Variants in SORCS2 observed in about 807,000 individuals in gnomAD.
The protein encoded by SORCS2 is sortilin related VPS10 domain containing receptor 2.
In SORCS2, 100 loss-of-function variants were observed where a neutral mutation model predicts 141.6. The ratio of observed to expected loss-of-function variants is 0.71; its 90% CI spans 0.60 to 0.83. The LOEUF is 0.83. Among genes scored for constraint, SORCS2 ranks in the 40% least tolerant of loss-of-function variants. The pLI is 0.00. For synonymous variants in SORCS2, 789 were observed against 676.9 expected, an observed-to-expected ratio of 1.17 and a Z score of -2.57; for missense variants, 1,646 against 1,560.2, an observed-to-expected ratio of 1.05 and a Z score of -0.93.
chr4:7,450,533 CG>C (rs1487140408), intron 2 of SORCS2, among the ~76,000 whole-genome samples: 2 of 152,218 alleles, frequency 1.3e-5, no homozygotes, highest in Non-Finnish European at 2.9e-5. Flanking sequence ...AACCTTGCCC[CG>C]CAGGACTCAC....
intron 3 of SORCS2, among the ~76,000 whole-genome samples, chr4:7,584,614 C>T (rs750820830): frequency 6.6e-6 from 1 of 152,150 alleles, no homozygotes; most frequent in Non-Finnish European, 1.5e-5. Flanking sequence ...TCTAAGAAAC[C>T]AGGCTGCCTC....
At chr4:7,356,166 G>A (rs570201447) in intron 1 of SORCS2, among the ~76,000 whole-genome samples, 10 of 152,360 alleles carry the variant, frequency 6.6e-5, no homozygotes, top group Admixed American at 1.3e-4. Context: ...CTGGCCCTCA[G>A]GGCCACTCAC....
chr4:7,572,826 C>A (rs1011109725), intron 3 of SORCS2, among the ~76,000 whole-genome samples: 1 of 152,134 alleles, frequency 6.6e-6, no homozygotes. Context: ...CATCTGAAGC[C>A]CCTTGGTTTG....
At chr4:7,399,544 TGTG>T (rs1314149444) in intron 2 of SORCS2, among the ~76,000 whole-genome samples, 1 of 152,142 alleles carries the variant, frequency 6.6e-6, no homozygotes, top group Non-Finnish European at 1.5e-5. Context: ...CCTTTCTTCT[TGTG>T]GTGGTGATGG....
chr4:7,443,154 G>A (rs1030571270), intron 2 of SORCS2, among the ~76,000 whole-genome samples: 7 of 152,304 alleles, frequency 4.6e-5, no homozygotes, highest in African/African-American at 1.4e-4. Context: ...TCCAAATTAT[G>A]TCAGATCACA....
chr4:7,504,693 G>A (rs911763630), intron 2 of SORCS2, among the ~76,000 whole-genome samples: 1 of 152,212 alleles, frequency 6.6e-6, no homozygotes, highest in Non-Finnish European at 1.5e-5. Flanking sequence ...ATATGCTGTC[G>A]CTATCACGAG....
intron 2 of SORCS2, chr4:7,430,274 A>G (rs1726743643): frequency 6.7e-6 from 1 of 149,618 alleles, no homozygotes; most frequent in Non-Finnish European, 1.5e-5. Flanking sequence ...AAAAAAAAAA[A>G]GAGACAGAGA....
chr4:7,616,495 C>G (rs1477100060), intron 3 of SORCS2, among the ~76,000 whole-genome samples: 2 of 152,176 alleles, frequency 1.3e-5, no homozygotes, highest in African/African-American at 4.8e-5. Flanking sequence ...TACCCTTCAT[C>G]CAAGTGGGGT....
intron 1 of SORCS2, among the ~76,000 whole-genome samples, chr4:7,276,492 C>T (rs1426830653): frequency 6.6e-6 from 1 of 152,174 alleles, no homozygotes; most frequent in Non-Finnish European, 1.5e-5. Flanking sequence ...TGGCCAGCTC[C>T]CTTGTCCTGA....
chr4:7,389,321 C>G (rs1401158321), intron 1 of SORCS2, among the ~76,000 whole-genome samples: 10 of 152,082 alleles, frequency 6.6e-5, no homozygotes, highest in Non-Finnish European at 4.4e-5. Flanking sequence ...CTGTGTGATC[C>G]CGGGACAGGC....
Position 7,725,063 on chromosome 4 carries a change from T to G in SORCS2, c.2612-91T>G, listed in dbSNP as rs547148927. ...GTAGTGGTGGTGGTGATGATAGCAA[T>G]GAAGTTGCTGGTGACAGTGATCACT... On this transcript the variant is annotated intron_variant, in intron 19 of 26. Transcript: ENST00000507866. 1.0e-4 allele frequency: 144 copies of G among 1,387,866 alleles called. 1 individual carries two copies. The South Asian group carries it at 1.8e-3, about 17-fold the overall frequency. 86.0% of individuals were successfully genotyped at this position (1,387,866 alleles called of 1,614,324 possible).
intron 1 of SORCS2, among the ~76,000 whole-genome samples, chr4:7,383,749 A>G (rs544332621): frequency 1.3e-5 from 2 of 152,216 alleles, no homozygotes; most frequent in East Asian, 1.9e-4. Flanking sequence ...CAAAAAAACC[A>G]AAACAGCAGC....
intron 1 of SORCS2, among the ~76,000 whole-genome samples, chr4:7,280,628 A>G (rs1394034358): frequency 1.3e-5 from 2 of 152,204 alleles, no homozygotes; most frequent in African/African-American, 2.4e-5. Flanking sequence ...GAACTGCCAA[A>G]CTGTCTTCCA....
chr4:7,712,153 A>G (rs951004997), intron 14 of SORCS2, among the ~76,000 whole-genome samples: 3 of 152,136 alleles, frequency 2.0e-5, no homozygotes, highest in East Asian at 1.9e-4. Context: ...CGACGGGCCA[A>G]CCTTGCTCAT....
chr4:7,714,223 T>A lies in SORCS2; in HGVS notation c.1990-17T>A, dbSNP rs1410411268. 8 of 1,607,176 alleles carry A rather than the reference T, an allele frequency of 5.0e-6. No homozygotes were observed. The highest frequency in any genetic ancestry group is 5.9e-6 in the Non-Finnish European group (7 of 1,177,060). ...CCCTGTCTCAGGCAGCTCCTTACCC[T>A]GATGTTCCTGCTGCAGGGCGACCGC... On this transcript the variant is annotated splice_polypyrimidine_tract_variant and intron_variant, in intron 15 of 26. Coordinates refer to ENST00000507866, the MANE Select transcript of SORCS2 (RefSeq NM_020777.3).
chr4:7,276,137 C>G (rs1223968787), intron 1 of SORCS2, among the ~76,000 whole-genome samples: 3 of 152,216 alleles, frequency 2.0e-5, no homozygotes, highest in Non-Finnish European at 4.4e-5. Context: ...GCCACCAGCC[C>G]CGCTCATAGC....
intron 1 of SORCS2, among the ~76,000 whole-genome samples, chr4:7,196,153 C>T (rs189972464): frequency 5.9e-4 from 90 of 152,276 alleles, no homozygotes; most frequent in African/African-American, 2.0e-3. Context: ...GTTCAAACAC[C>T]GCCTCCCTGT....
At chr4:7,364,873 C>A (rs1332823216) in intron 1 of SORCS2, among the ~76,000 whole-genome samples, 1 of 152,218 alleles carries the variant, frequency 6.6e-6, no homozygotes, top group East Asian at 1.9e-4. Flanking sequence ...AACGGGGGCA[C>A]TTGAGCTCTT....
At chr4:7,352,967 A>G (rs1721034820) in intron 1 of SORCS2, among the ~76,000 whole-genome samples, 1 of 152,148 alleles carries the variant, frequency 6.6e-6, no homozygotes. Flanking sequence ...TCTCCTTTCC[A>G]GATTAGGAAA....
Sources: gnomAD v4.1 joint callset for allele counts (sites outside exome capture counted in the v4.1 genomes callset) on GRCh38, gnomAD v4.1.1 for gene constraint, MANE v1.5 for transcripts, NCBI Gene and HGNC (gene_info 2026-07-23, HGNC 2026-07-21) for gene names.